Variants in ZNF277 observed in about 807,000 individuals in gnomAD.
ZNF277 encodes the protein zinc finger protein 277, also known as nuclear receptor-interacting factor 4.
ZNF277 carries 55 observed loss-of-function variants against 60.7 expected under a neutral mutation model. The observed-to-expected ratio is 0.91, with a 90% confidence interval of 0.73 to 1.13. The LOEUF is 1.13. Ranked by LOEUF, ZNF277 falls within the 50% of genes most tolerant of loss-of-function variation. The pLI, the probability that ZNF277 is intolerant of heterozygous loss-of-function variation, is 0.00. For synonymous variants in ZNF277, 178 were observed against 179.3 expected, an observed-to-expected ratio of 0.99 and a Z score of 0.06; for missense variants, 510 against 523.0, an observed-to-expected ratio of 0.98 and a Z score of 0.24.
chr7:112,337,629 G>T, intron 8 of ZNF277, 101 bp from the exon 9 acceptor site: 1 of 912,326 alleles, frequency 1.1e-6, no homozygotes, highest in East Asian at 2.6e-5. Flanking sequence ...AAAGAGATTG[G>T]CAGGGTTTTT....
intron 4 of ZNF277, among the ~76,000 whole-genome samples, chr7:112,310,480 T>TGA (rs1792702723): frequency 2.2e-5 from 2 of 90,954 alleles, no homozygotes; most frequent in African/African-American, 1.3e-4. Context: ...AGAGAGAGAG[T>TGA]GTGTGTGTGT....
intron 5 of ZNF277, among the ~76,000 whole-genome samples, chr7:112,318,597 T>C (rs556789105): frequency 6.6e-6 from 1 of 152,186 alleles, no homozygotes; most frequent in East Asian, 1.9e-4. Flanking sequence ...TCTAAATCAT[T>C]GGTAACTTTT....
chr7:112,212,393 C>T (rs1335485530), intron 1 of ZNF277, among the ~76,000 whole-genome samples: 1 of 152,154 alleles, frequency 6.6e-6, no homozygotes, highest in Non-Finnish European at 1.5e-5. Context: ...TATTTAAATT[C>T]CAATTCTGAC....
intron 1 of ZNF277, among the ~76,000 whole-genome samples, chr7:112,262,265 A>T (rs1563207849): frequency 6.6e-6 from 1 of 150,740 alleles, no homozygotes; most frequent in African/African-American, 2.4e-5. Context: ...AAAAAAAAAA[A>T]GATCATTGAG....
At chr7:112,237,314 C>G (rs1440697246) in intron 1 of ZNF277, among the ~76,000 whole-genome samples, 1 of 151,522 alleles carries the variant, frequency 6.6e-6, no homozygotes, top group African/African-American at 2.4e-5. Flanking sequence ...CTTAAAGGAA[C>G]CACAAAAACA....
chr7:112,271,758 T>C (rs1462089075), intron 1 of ZNF277, among the ~76,000 whole-genome samples: 9 of 152,134 alleles, frequency 5.9e-5, no homozygotes, highest in African/African-American at 1.7e-4. Context: ...GGTTCTTTTT[T>C]TCTCCTCTGA....
At chr7:112,301,863 C>T (rs892126759) in intron 4 of ZNF277, among the ~76,000 whole-genome samples, 8 of 152,136 alleles carry the variant, frequency 5.3e-5, no homozygotes, top group Admixed American at 6.6e-5. Context: ...ACTGAAATTT[C>T]ATCCTGAAGT....
In ZNF277 at chr7:112,302,857, A is replaced by G. The variant is rs78820285; in HGVS notation, c.465+6546A>G. Among the ~76,000 whole-genome samples the G allele has an allele frequency of 6.6e-3, 1,006 of 152,118 alleles. 10 individuals carry two copies. Among genetic ancestry groups the G allele is most frequent in the African/African-American group, 0.023 (939 of 41,522 alleles). ...GTTAAATAGAAAGGGAAGCAATTCA[A>G]ACTCCTAAATTTCCAACCCCAATCA... On this transcript the variant is annotated intron_variant, in intron 4 of 11. Coordinates refer to ENST00000361822, the MANE Select transcript of ZNF277 (RefSeq NM_021994.3).
chr7:112,253,190 G>C (rs1382871434), intron 1 of ZNF277, among the ~76,000 whole-genome samples: 2 of 152,104 alleles, frequency 1.3e-5, no homozygotes, highest in Non-Finnish European at 2.9e-5. Flanking sequence ...CAAATATCGG[G>C]TGTGGTAAAT....
chr7:112,224,014 G>A (rs1044349666), intron 1 of ZNF277, among the ~76,000 whole-genome samples: 3 of 152,132 alleles, frequency 2.0e-5, no homozygotes, highest in Non-Finnish European at 1.5e-5. Context: ...GGTTCTGCTC[G>A]GGCACTGTCA....
chr7:112,238,298 G>C (rs193154003), intron 1 of ZNF277, among the ~76,000 whole-genome samples: 7 of 152,314 alleles, frequency 4.6e-5, no homozygotes, highest in African/African-American at 1.2e-4. Context: ...GTGCTGCCCT[G>C]TCACAGTGGA....
rs1342984707 is a variant in ZNF277 at position 112,341,585 on chromosome 7, A to G, written c.1184+539A>G. 5.9e-5 allele frequency among the ~76,000 whole-genome samples: 9 copies of G among 152,352 alleles called. No homozygotes were observed. The East Asian group carries it at 1.2e-3, about 20-fold the overall frequency. Reference sequence around the variant, plus strand: ...TTTGCACACTGCTAGGACTTTTTGTATATATTTTGTATATTGGCACTTGAA... The same window carrying G: ...TTTGCACACTGCTAGGACTTTTTGTGTATATTTTGTATATTGGCACTTGAA... On this transcript the variant is annotated intron_variant, in intron 11 of 11. Coordinates refer to ENST00000361822, the MANE Select transcript of ZNF277 (RefSeq NM_021994.3).
chr7:112,246,299 T>A (rs1167811832), intron 1 of ZNF277, among the ~76,000 whole-genome samples: 1 of 151,850 alleles, frequency 6.6e-6, no homozygotes, highest in Non-Finnish European at 1.5e-5. Context: ...AAAGCTGAGG[T>A]GGGACAATCA....
intron 5 of ZNF277, among the ~76,000 whole-genome samples, chr7:112,324,941 A>G (rs1256751260): frequency 6.6e-6 from 1 of 152,142 alleles, no homozygotes; most frequent in Non-Finnish European, 1.5e-5. Context: ...CAGCTCAACT[A>G]TCTGGGCCCC....
chr7:112,296,049 TCATG>T (rs1792318823), intron 3 of ZNF277, 92 bp downstream of exon 3: 3 of 1,124,022 alleles, frequency 2.7e-6, no homozygotes, highest in Non-Finnish European at 4.0e-6. Context: ...ACTTTTACTT[TCATG>T]ATAGATAAAA....
At chr7:112,261,274 G>A (rs899109996) in intron 1 of ZNF277, among the ~76,000 whole-genome samples, 7 of 152,180 alleles carry the variant, frequency 4.6e-5, no homozygotes, top group Admixed American at 3.3e-4. Flanking sequence ...CAGTAGTAAA[G>A]TACATACTTG....
chr7:112,210,479 T>C (rs1487261543), intron 1 of ZNF277, among the ~76,000 whole-genome samples: 1 of 141,140 alleles, frequency 7.1e-6, no homozygotes, highest in African/African-American at 2.6e-5. Flanking sequence ...TTTTTTTTTG[T>C]TTTTTTTTTT....
chr7:112,209,646 T>G (rs2116942918), intron 1 of ZNF277, among the ~76,000 whole-genome samples: 1 of 152,322 alleles, frequency 6.6e-6, no homozygotes, highest in Middle Eastern at 3.4e-3. Flanking sequence ...AAGTTGTCAT[T>G]AAAAATTCTG....
chr7:112,339,919 C>T (rs1241502005), intron 10 of ZNF277, 34 bp downstream of exon 10: 1 of 1,598,194 alleles, frequency 6.3e-7, no homozygotes, highest in African/African-American at 1.3e-5. Context: ...TTCTGTGATG[C>T]TTCATTTTTT....
Sources: allele counts gnomAD v4.1 joint callset (sites outside exome capture counted in the v4.1 genomes callset), GRCh38; gene constraint gnomAD v4.1.1; transcripts MANE v1.5; gene names NCBI Gene and HGNC (gene_info 2026-07-23, HGNC 2026-07-21).